FSTL5: variants seen among roughly 807,000 people sequenced by gnomAD.
FSTL5 encodes the protein follistatin like 5.
FSTL5 carries 62 observed loss-of-function variants against 89.1 expected under a neutral mutation model. The ratio of observed to expected loss-of-function variants is 0.70; its 90% confidence interval spans 0.57 to 0.86. The LOEUF is 0.86. Ranked by LOEUF, FSTL5 falls within the 40% of genes least tolerant of loss-of-function variation. FSTL5 has a pLI of 0.00. For missense variants in FSTL5, 1,057 were observed against 1,001.6 expected (o/e 1.06, Z -0.75); for synonymous variants, 383 against 346.2 (o/e 1.11, Z -1.18).
Position 161,718,435 on chromosome 4 carries a change from AT to A in FSTL5, c.727+40975del, listed in dbSNP as rs902776299. Reference sequence around the variant, plus strand: ...GTAGAGATGGAGAATATGATAATACATTTTTTTTTTTGAGATGGAGTCTCAC... The same window carrying A: ...GTAGAGATGGAGAATATGATAATACATTTTTTTTTTGAGATGGAGTCTCAC... On this transcript the variant is annotated intron_variant, in intron 6 of 15. Coordinates refer to ENST00000306100, the MANE Select transcript of FSTL5 (RefSeq NM_020116.5). Among the ~76,000 whole-genome samples the A allele has an allele frequency of 5.1e-3, 747 of 146,924 alleles. 2 individuals carry two copies. Among genetic ancestry groups the A allele is most frequent in the African/African-American group, 0.016 (661 of 40,308 alleles).
chr4:161,571,091 A>G (rs1732991461), intron 8 of FSTL5, among the ~76,000 whole-genome samples: 1 of 152,018 alleles, frequency 6.6e-6, no homozygotes, highest in Non-Finnish European at 1.5e-5. Context: ...CCTGGGTGAC[A>G]GAGCAAGACT....
chr4:162,029,164 A>T (rs201347238), intron 3 of FSTL5, among the ~76,000 whole-genome samples: 1 of 96,162 alleles, frequency 1.0e-5, no homozygotes, highest in African/African-American at 3.8e-5. Context: ...AGAGAGAGAG[A>T]GAGTGTGTGT....
At chr4:161,953,985 T>C (rs1734963649) in intron 3 of FSTL5, among the ~76,000 whole-genome samples, 1 of 151,614 alleles carries the variant, frequency 6.6e-6, no homozygotes, top group Non-Finnish European at 1.5e-5. Context: ...CATAATATAC[T>C]GAGATATTAT....
intron 2 of FSTL5, among the ~76,000 whole-genome samples, chr4:162,106,505 T>G (rs1579032605): frequency 2.6e-5 from 4 of 152,166 alleles, no homozygotes. Context: ...CACGTTAATA[T>G]GCTGAACTAT....
intron 8 of FSTL5, among the ~76,000 whole-genome samples, chr4:161,582,450 T>C (rs988328364): frequency 6.6e-6 from 1 of 152,208 alleles, no homozygotes; most frequent in African/African-American, 2.4e-5. Context: ...CGTTCCCAAC[T>C]ACTGTTTGTT....
At chr4:162,094,776 A>G (rs1432638208) in intron 2 of FSTL5, among the ~76,000 whole-genome samples, 3 of 152,154 alleles carry the variant, frequency 2.0e-5, no homozygotes, top group Non-Finnish European at 4.4e-5. Flanking sequence ...TCTGAATTAC[A>G]GGAGATATTT....
At chr4:161,452,240 C>T (rs1249383851) in intron 15 of FSTL5, among the ~76,000 whole-genome samples, 1 of 152,146 alleles carries the variant, frequency 6.6e-6, no homozygotes, top group Non-Finnish European at 1.5e-5. Flanking sequence ...CTTTGGGAGG[C>T]CAAGGTGGGT....
intron 2 of FSTL5, among the ~76,000 whole-genome samples, chr4:162,053,819 T>C (rs1335837678): frequency 6.6e-6 from 1 of 151,794 alleles, no homozygotes; most frequent in Admixed American, 6.6e-5. Flanking sequence ...AACATTCTTA[T>C]AAAATTCTGT....
chr4:161,874,886 T>C (rs1245095654), intron 4 of FSTL5, among the ~76,000 whole-genome samples: 1 of 152,172 alleles, frequency 6.6e-6, no homozygotes, highest in Admixed American at 6.5e-5. Context: ...TGAATATTTG[T>C]CTATTACTTT....
chr4:161,664,187 T>A (rs1312691718), intron 6 of FSTL5, among the ~76,000 whole-genome samples: 1 of 152,198 alleles, frequency 6.6e-6, no homozygotes, highest in Non-Finnish European at 1.5e-5. Context: ...GGGAAAAACA[T>A]TATGCTCCCT....
intron 4 of FSTL5, among the ~76,000 whole-genome samples, chr4:161,779,821 A>ATATATATATATATATGTATATATATG (rs1560841127): frequency 1.6e-5 from 1 of 63,360 alleles, no homozygotes; most frequent in Non-Finnish European, 2.7e-5. Context: ...GTATATATAT[A>ATATATATATATATATGTATATATATG]TATATATATA....
chr4:161,920,338 A>T, intron 4 of FSTL5, 66 bp downstream of exon 4: 1 of 1,506,780 alleles, frequency 6.6e-7, no homozygotes, highest in Non-Finnish European at 9.0e-7. Flanking sequence ...GCTAGAGTTT[A>T]AAGGCACTAG....
At chr4:161,566,351 A>C (rs1732817171) in intron 8 of FSTL5, among the ~76,000 whole-genome samples, 1 of 151,816 alleles carries the variant, frequency 6.6e-6, no homozygotes, top group South Asian at 2.1e-4. Context: ...TTTATCCAAT[A>C]CACAGTTGAT....
At chr4:161,922,284 T>G (rs1734014125) in intron 3 of FSTL5, among the ~76,000 whole-genome samples, 1 of 151,978 alleles carries the variant, frequency 6.6e-6, no homozygotes, top group Non-Finnish European at 1.5e-5. Flanking sequence ...CCGATGTATC[T>G]CCAATGTTAT....
At chr4:161,655,195 A>G (rs1736473585) in intron 7 of FSTL5, among the ~76,000 whole-genome samples, 1 of 152,146 alleles carries the variant, frequency 6.6e-6, no homozygotes, top group Admixed American at 6.5e-5. Context: ...ATTATTGATA[A>G]TTATAGATAT....
At chr4:161,762,326 C>G (rs73860716) in intron 5 of FSTL5, among the ~76,000 whole-genome samples, 1 of 152,084 alleles carries the variant, frequency 6.6e-6, no homozygotes, top group South Asian at 2.1e-4. Context: ...GTATGAAAAA[C>G]TACACAAGTA....
chr4:161,792,688 C>T (rs547367333), intron 4 of FSTL5, among the ~76,000 whole-genome samples: 7 of 152,196 alleles, frequency 4.6e-5, no homozygotes, highest in South Asian at 2.1e-4. Flanking sequence ...GCTGCAGGCT[C>T]GATGGGATGT....
chr4:161,528,906 C>G (rs1203072005), intron 10 of FSTL5, among the ~76,000 whole-genome samples: 1 of 142,702 alleles, frequency 7.0e-6, no homozygotes, highest in Non-Finnish European at 1.5e-5. Flanking sequence ...AGCACTGTCA[C>G]TATATGTTAA....
intron 15 of FSTL5, among the ~76,000 whole-genome samples, chr4:161,393,300 G>A (rs1256327985): frequency 2.0e-5 from 3 of 151,842 alleles, no homozygotes; most frequent in Non-Finnish European, 4.4e-5. Flanking sequence ...TGCATGAGTT[G>A]GATTCTAGAT....
Sources: gnomAD v4.1 joint callset for allele counts (sites outside exome capture counted in the v4.1 genomes callset) on GRCh38, gnomAD v4.1.1 for gene constraint, MANE v1.5 for transcripts, NCBI Gene and HGNC (gene_info 2026-07-23, HGNC 2026-07-21) for gene names.